The following FHDC1 variants were observed in gnomAD, a reference collection of about 807,000 sequenced individuals.
FHDC1 encodes the protein FH2 domain-containing protein 1.
Under a neutral mutation model 52.6 loss-of-function variants are expected in FHDC1, and 25 were observed. The ratio of observed to expected loss-of-function variants is 0.48; its 90% CI spans 0.35 to 0.66. The LOEUF (loss-of-function observed/expected upper bound fraction) is 0.66. Among genes scored for constraint, FHDC1 ranks in the 30% least tolerant of loss-of-function variants. The probability of loss-of-function intolerance (pLI) is 0.01; values close to 1 mark genes in which losing one functional copy is unlikely to be tolerated. For missense variants in FHDC1, 1,459 were observed against 1,452.8 expected (o/e 1.00, Z -0.07); for synonymous variants, 616 against 581.5 (o/e 1.06, Z -0.85).
chr4:152,963,945 G>A (rs1740375757), intron 8 of FHDC1, among the ~76,000 whole-genome samples: 1 of 152,038 alleles, frequency 6.6e-6, no homozygotes. Flanking sequence ...TGACATCAGT[G>A]CTGTAGTCGT....
At position 152,975,182 on chromosome 4, in the gene FHDC1, G is replaced by T; in HGVS notation, c.1891G>T (p.Ala631Ser). Reference protein sequence around the residue: ...QLAAAQPENHASAFPRARRQG... With the variant: ...QLAAAQPENHSSAFPRARRQG... ...TGCAGCCGCCCAGCCTGAGAACCAT[G>T]CCTCTGCCTTCCCCAGAGCTCGGCG... The change falls in exon 12 of 12, where the codon GCC (alanine) becomes TCC (serine). Residue 631 changes from alanine to serine, a missense_variant. This residue lies in a region of FHDC1 where 939 missense variants were observed against 854.5 expected (regional missense o/e 1.10). Coordinates refer to ENST00000511601, the MANE Select transcript of FHDC1 (RefSeq NM_001371116.1). 1 of 1,613,212 alleles carries T rather than the reference G, an allele frequency of 6.2e-7. No homozygotes were observed. The highest frequency in any genetic ancestry group is 8.5e-7 in the Non-Finnish European group (1 of 1,180,012).
In FHDC1 at chr4:152,976,480, A is replaced by G; in HGVS notation, c.3189A>G (p.Thr1063=). 1 of 1,613,582 alleles carries G rather than the reference A, an allele frequency of 6.2e-7. No homozygotes were observed. Among genetic ancestry groups the G allele is most frequent in the Non-Finnish European group, 8.5e-7 (1 of 1,180,004 alleles). Residue 1063 remains threonine, a synonymous_variant, in exon 12 of 12, where the codon ACA becomes ACG. Transcript: ENST00000511601. ...CCAAAGCCCCCGGCATCACTCGGAC[A>G]GTGTCGCAGCGGCAGCTGAGGGTGA... ...PVAKAPGITR[T]VSQRQLRVKG...
rs1390058026 is a variant in FHDC1 at position 152,978,897 on chromosome 4, CCT to C, written c.*2177_*2178del. 6.6e-6 allele frequency: 1 copy of C among 152,160 alleles called. No individual in the cohort carries two copies. The highest frequency in any genetic ancestry group is 1.5e-5 in the Non-Finnish European group (1 of 68,048). 9.4% of individuals were successfully genotyped at this position (152,160 alleles called of 1,614,324 possible). On this transcript the variant is annotated 3_prime_UTR_variant, in exon 12 of 12. Coordinates refer to ENST00000511601, the MANE Select transcript of FHDC1 (RefSeq NM_001371116.1). The stretch of plus-strand genomic sequence containing the variant: ...AATAGTAAAGCACCTGACCACAAAA[CCT>C]CTTGTAAAAACAGCCCTGAGTAGGT...
intron 2 of FHDC1, among the ~76,000 whole-genome samples, chr4:152,952,519 A>G (rs1401507413): frequency 6.6e-6 from 1 of 152,268 alleles, no homozygotes; most frequent in East Asian, 1.9e-4. Context: ...AAAAAAGTAG[A>G]AAATAACAAT....
intron 4 of FHDC1, among the ~76,000 whole-genome samples, chr4:152,954,591 G>T (rs897415708): frequency 1.3e-5 from 2 of 152,090 alleles, no homozygotes; most frequent in Admixed American, 6.5e-5. Flanking sequence ...GGAGGCTGGG[G>T]TATGACAATT....
the FHDC1 span, among the ~76,000 whole-genome samples, chr4:152,917,646 G>A: frequency 1.3e-5 from 2 of 151,604 alleles, no homozygotes; most frequent in Admixed American, 6.6e-5. Context: ...CCATGGCAAT[G>A]GTTACTATAT....
the FHDC1 span, among the ~76,000 whole-genome samples, chr4:152,920,951 T>G: frequency 6.6e-6 from 1 of 152,042 alleles, no homozygotes; most frequent in African/African-American, 2.4e-5. Flanking sequence ...TAAATCCTCT[T>G]GTTATGACTT....
the FHDC1 span, among the ~76,000 whole-genome samples, chr4:152,914,278 G>A: frequency 2.0e-5 from 3 of 152,084 alleles, no homozygotes; most frequent in East Asian, 1.9e-4. Context: ...CAGATTTTGC[G>A]CATAAATGGG....
chr4:152,976,852 C>A lies in FHDC1; in HGVS notation c.*129C>A. 8.0e-7 allele frequency: 1 copy of A among 1,254,754 alleles called. No homozygotes were observed. Among genetic ancestry groups the A allele is most frequent in the Non-Finnish European group, 1.1e-6 (1 of 938,110 alleles). The allele number at this position is 1,254,754 out of a possible 1,614,324, so 77.7% of individuals were successfully genotyped here. ...GCCACTGGTGCCACTGCTAGTGACGCTGTTGGGATGGCACAGTCCAGGAGG... is the reference window on the plus strand; with the variant it reads ...GCCACTGGTGCCACTGCTAGTGACGATGTTGGGATGGCACAGTCCAGGAGG... On this transcript the variant is annotated 3_prime_UTR_variant, in exon 12 of 12. Coordinates refer to ENST00000511601, the MANE Select transcript of FHDC1 (RefSeq NM_001371116.1).
At chr4:152,962,977 G>GTGTGTA in intron 7 of FHDC1, 46 bp from the exon 8 acceptor site, 1 of 1,504,372 alleles carries the variant, frequency 6.6e-7, no homozygotes, top group African/African-American at 1.4e-5. Context: ...GTGTGTGTGT[G>GTGTGTA]TGTGTATGTA....
chr4:152,954,253 A>G lies in FHDC1; in HGVS notation c.597A>G (p.Gly199=). The G allele has an allele frequency of 6.2e-7, 1 of 1,613,990 alleles. No homozygotes were observed. The highest frequency in any genetic ancestry group is 8.5e-7 in the Non-Finnish European group (1 of 1,179,882). ...CCATTGTAGAAGATATTCATCAAGG[A>G]AAAAGTGAGCATTATGGATCAGAGA... The part of the protein sequence containing the change: ...PRSIVEDIHQ[G]KSEHYGSETL... Residue 199 remains glycine (G), a synonymous_variant, in exon 4 of 12, where the codon GGA becomes GGG. Coordinates refer to ENST00000511601, the MANE Select transcript of FHDC1 (RefSeq NM_001371116.1).
chr4:152,953,443 T>C, intron 2 of FHDC1, 56 bp from the exon 3 acceptor site: 1 of 1,385,568 alleles, frequency 7.2e-7, no homozygotes, highest in Non-Finnish European at 1.0e-6. Flanking sequence ...ATCTTCTTTC[T>C]CCATCTCTTT....
At chr4:152,965,476 G>T (rs1043829065) in intron 9 of FHDC1, among the ~76,000 whole-genome samples, 1 of 152,156 alleles carries the variant, frequency 6.6e-6, no homozygotes, top group African/African-American at 2.4e-5. Context: ...GAAAGTATCT[G>T]CCAAACATAA....
chr4:152,978,421 A>T lies in FHDC1; in HGVS notation c.*1698A>T, dbSNP rs1059354. 6.6e-6 allele frequency: 1 copy of T among 152,064 alleles called. No homozygotes were observed. The highest frequency in any genetic ancestry group is 2.4e-5 in the African/African-American group (1 of 41,358). The allele number at this position is 152,064 out of a possible 1,614,324, so 9.4% of individuals were successfully genotyped here. A position where few individuals can be genotyped will look rare whatever the true frequency, so the allele number is the denominator to read the frequency against. ...TTCCTTGGTACAGTGGTTTTTAAAT[A>T]CTGAGAAGAACCAAGTCAGGTTTTT... On this transcript the variant is annotated 3_prime_UTR_variant, in exon 12 of 12. Transcript: ENST00000511601.
chr4:152,927,237 C>G, the FHDC1 span, among the ~76,000 whole-genome samples: 125 of 152,344 alleles, frequency 8.2e-4, no homozygotes, highest in Middle Eastern at 3.4e-3. Flanking sequence ...GCTCCCAGGC[C>G]TCAGCCAAGT....
In FHDC1 at chr4:152,954,202, C is replaced by A; in HGVS notation, c.561-15C>A. On this transcript the variant is annotated splice_polypyrimidine_tract_variant and intron_variant, in intron 3 of 11. Transcript: ENST00000511601. ...AGCAAACGTGAAATGGAATGTGATTCATTGTCTTTTCAAGGTCTCCTCGGT... is the reference window on the plus strand; with the variant it reads ...AGCAAACGTGAAATGGAATGTGATTAATTGTCTTTTCAAGGTCTCCTCGGT... 6.2e-7 allele frequency: 1 copy of A among 1,604,168 alleles called. No homozygotes were observed. The highest frequency in any genetic ancestry group is 1.1e-5 in the South Asian group (1 of 90,734).
Position 152,943,486 on chromosome 4 carries a change from C to T in FHDC1, c.429C>T (p.Asp143=). The T allele has an allele frequency of 6.2e-7, 1 of 1,614,142 alleles. No individual in the cohort carries two copies. Among genetic ancestry groups the T allele is most frequent in the Non-Finnish European group, 8.5e-7 (1 of 1,180,034 alleles). ...AGGAGCTCTTTGGGCAGCAGGAAGA[C>T]ACCACCAAGTCTTCCCTTCCTAGGA... ...TIEELFGQQE[D]TTKSSLPRRG... is the part of the protein sequence containing the mutation. The change falls in exon 2 of 12, where the codon GAC becomes GAT. Residue 143 remains aspartate, a synonymous_variant. Transcript: ENST00000511601.
intron 8 of FHDC1, among the ~76,000 whole-genome samples, chr4:152,963,450 G>A (rs952824127): frequency 6.6e-6 from 1 of 152,198 alleles, no homozygotes; most frequent in African/African-American, 2.4e-5. Flanking sequence ...CAGTGTAATA[G>A]CTTGACTGGA....
rs6535885 is a variant in FHDC1 at position 152,968,113 on chromosome 4, A to C, written c.1218+16A>C. The C allele has an allele frequency of 1.3e-6, 2 of 1,593,034 alleles. No individual in the cohort carries two copies. Among genetic ancestry groups the C allele is most frequent in the Non-Finnish European group, 1.7e-6 (2 of 1,162,650 alleles). ...TTTTCTTCAGGTTTGTAGGTGACTC[A>C]AGTCAGTCCCTCTAATCTCATCTCC... is the stretch of plus-strand genomic sequence containing the variant. On this transcript the variant is annotated intron_variant, in intron 10 of 11. Coordinates refer to ENST00000511601, the MANE Select transcript of FHDC1 (RefSeq NM_001371116.1).
Sources: allele counts gnomAD v4.1 joint callset (sites outside exome capture counted in the v4.1 genomes callset), GRCh38; gene constraint gnomAD v4.1.1; regional missense constraint gnomAD v4.1.1; transcripts MANE v1.5; gene names NCBI Gene and HGNC (gene_info 2026-07-23, HGNC 2026-07-21).